Variants in ANKS1B observed in about 807,000 individuals in gnomAD.
The protein encoded by ANKS1B is ankyrin repeat and sterile alpha motif domain containing 1B.
ANKS1B carries 36 observed loss-of-function variants against 148.3 expected under a neutral mutation model. That is an observed-to-expected ratio of 0.24 (90% CI 0.19 to 0.32). ANKS1B has a LOEUF of 0.32. ANKS1B is among the 10% of genes least tolerant of loss of function. The probability of loss-of-function intolerance (pLI) is 1.00; values close to 1 mark genes in which losing one functional copy is unlikely to be tolerated. For missense variants in ANKS1B, 1,157 were observed against 1,542.6 expected (o/e 0.75, Z 4.19); for synonymous variants, 542 against 560.8 (o/e 0.97, Z 0.47).
chr12:99,456,239 G>C (rs1359747288), intron 10 of ANKS1B, among the ~76,000 whole-genome samples: 1 of 152,090 alleles, frequency 6.6e-6, no homozygotes, highest in Non-Finnish European at 1.5e-5. Context: ...CATATCAAGA[G>C]AGCACCCCAT....
intron 4 of ANKS1B, among the ~76,000 whole-genome samples, chr12:99,790,778 T>C (rs1397100293): frequency 2.6e-5 from 4 of 151,418 alleles, no homozygotes; most frequent in Non-Finnish European, 5.9e-5. Flanking sequence ...GCAAAAAAAT[T>C]AAAAAGCATG....
chr12:99,398,800 T>G, intron 12 of ANKS1B, among the ~76,000 whole-genome samples: 1 of 152,156 alleles, frequency 6.6e-6, no homozygotes, highest in East Asian at 1.9e-4. Context: ...GCCAATGAAC[T>G]TCCTCAAAGA....
At chr12:99,412,730 C>T (rs2094756493) in intron 11 of ANKS1B, among the ~76,000 whole-genome samples, 1 of 152,180 alleles carries the variant, frequency 6.6e-6, no homozygotes, top group Non-Finnish European at 1.5e-5. Flanking sequence ...AATGTAAACA[C>T]TTGCGATCCA....
At chr12:99,515,041 T>G (rs1045260045) in intron 9 of ANKS1B, among the ~76,000 whole-genome samples, 2 of 152,022 alleles carry the variant, frequency 1.3e-5, no homozygotes, top group African/African-American at 2.4e-5. Context: ...ATGCAACTTT[T>G]GTGGGTGTAT....
At chr12:99,016,825 G>C (rs1300842094) in intron 17 of ANKS1B, among the ~76,000 whole-genome samples, 1 of 152,190 alleles carries the variant, frequency 6.6e-6, no homozygotes, top group Non-Finnish European at 1.5e-5. Flanking sequence ...TATTGCTTCA[G>C]AGAACAAAAT....
At chr12:99,696,910 A>C (rs2054016662) in intron 8 of ANKS1B, among the ~76,000 whole-genome samples, 1 of 152,196 alleles carries the variant, frequency 6.6e-6, no homozygotes, top group Non-Finnish European at 1.5e-5. Flanking sequence ...AATTTTTAAA[A>C]TGGGCAAAAG....
chr12:99,179,428 CAAAAAAA>C (rs59979808), intron 14 of ANKS1B, among the ~76,000 whole-genome samples: 2 of 72,928 alleles, frequency 2.7e-5, no homozygotes, highest in African/African-American at 5.5e-5. Flanking sequence ...GACTCTGTCT[CAAAAAAA>C]AAAAAAAAAA....
intron 10 of ANKS1B, among the ~76,000 whole-genome samples, chr12:99,456,921 A>C (rs1279974248): frequency 6.6e-6 from 1 of 152,144 alleles, no homozygotes. Flanking sequence ...AGCTCAAAAA[A>C]CACCTGGGAA....
At chr12:99,516,097 T>C (rs182179292) in intron 9 of ANKS1B, among the ~76,000 whole-genome samples, 1 of 152,210 alleles carries the variant, frequency 6.6e-6, no homozygotes, top group East Asian at 1.9e-4. Context: ...TTCTCCCATT[T>C]TGTGGGTTGC....
At chr12:99,964,347 C>T (rs1298270735) in intron 1 of ANKS1B, among the ~76,000 whole-genome samples, 1 of 152,224 alleles carries the variant, frequency 6.6e-6, no homozygotes, top group Non-Finnish European at 1.5e-5. Context: ...ATTGTCATCA[C>T]CTAGATAAAA....
chr12:99,243,554 G>A (rs189755942), intron 14 of ANKS1B, among the ~76,000 whole-genome samples: 55 of 152,284 alleles, frequency 3.6e-4, no homozygotes, highest in African/African-American at 1.2e-3. Flanking sequence ...CATAAATCAT[G>A]TTACTATGAA....
intron 12 of ANKS1B, among the ~76,000 whole-genome samples, chr12:99,360,593 C>T (rs961248182): frequency 1.9e-4 from 29 of 152,142 alleles, no homozygotes; most frequent in Non-Finnish European, 3.4e-4. Context: ...CCAAGAAAGG[C>T]TTTAAGAAGT....
chr12:99,717,760 T>C (rs1016773575), intron 8 of ANKS1B, among the ~76,000 whole-genome samples: 1 of 150,010 alleles, frequency 6.7e-6, no homozygotes, highest in Admixed American at 6.7e-5. Context: ...CCCTTCTTAA[T>C]CAATACGGAG....
chr12:99,908,358 T>C (rs894965336), intron 1 of ANKS1B, among the ~76,000 whole-genome samples: 3 of 152,074 alleles, frequency 2.0e-5, no homozygotes, highest in Non-Finnish European at 4.4e-5. Flanking sequence ...GGCTGGCAGA[T>C]CGCTTGAGCT....
At chr12:99,770,688 A>C (rs1374112731) in intron 8 of ANKS1B, among the ~76,000 whole-genome samples, 9 of 152,070 alleles carry the variant, frequency 5.9e-5, no homozygotes, top group African/African-American at 1.4e-4. Context: ...TAAAAAAAAA[A>C]CCAAAATTCT....
intron 1 of ANKS1B, among the ~76,000 whole-genome samples, chr12:99,871,536 T>C (rs1440479236): frequency 6.6e-6 from 1 of 152,192 alleles, no homozygotes; most frequent in Non-Finnish European, 1.5e-5. Context: ...ATTCTTCCAA[T>C]CCATGAGCAT....
At chr12:99,865,659 C>T (rs1335350395) in intron 1 of ANKS1B, among the ~76,000 whole-genome samples, 1 of 152,200 alleles carries the variant, frequency 6.6e-6, no homozygotes, top group Non-Finnish European at 1.5e-5. Flanking sequence ...ATAGAGCAGA[C>T]ATCCGAACCC....
chr12:99,488,175 C>T (rs937847466), intron 10 of ANKS1B, among the ~76,000 whole-genome samples: 1 of 151,988 alleles, frequency 6.6e-6, no homozygotes. Flanking sequence ...GTTGGTTTTG[C>T]TTGATCTTTC....
intron 17 of ANKS1B, among the ~76,000 whole-genome samples, chr12:98,995,378 G>T (rs1360040720): frequency 6.6e-6 from 1 of 152,080 alleles, no homozygotes; most frequent in Non-Finnish European, 1.5e-5. Context: ...ATCACCTGAG[G>T]TCAGGAGTTC....
Sources: gnomAD v4.1 joint callset for allele counts (sites outside exome capture counted in the v4.1 genomes callset) on GRCh38, gnomAD v4.1.1 for gene constraint, MANE v1.5 for transcripts, NCBI Gene and HGNC (gene_info 2026-07-23, HGNC 2026-07-21) for gene names.